Variants in AFF3 observed in about 807,000 individuals in gnomAD.
AFF3 encodes the protein ALF transcription elongation factor 3, also known as AF4/FMR2 family member 3.
A neutral mutation model predicts 129.7 loss-of-function variants in AFF3; 32 were observed. The observed-to-expected ratio is 0.25, with a 90% CI of 0.19 to 0.33. The LOEUF is 0.33. Ranked by LOEUF, AFF3 falls within the 10% of genes least tolerant of loss-of-function variation. The pLI is 1.00. For synonymous variants in AFF3, 644 were observed against 635.4 expected (o/e 1.01, Z -0.20); for missense variants, 1,373 against 1,592.0 (o/e 0.86, Z 2.34).
intron 7 of AFF3, among the ~76,000 whole-genome samples, chr2:99,901,519 G>A (rs936291181): frequency 2.2e-4 from 34 of 152,132 alleles, no homozygotes; most frequent in African/African-American, 8.2e-4. Flanking sequence ...CTACTCTTCA[G>A]GTGTTCACTA....
chr2:100,125,248 G>A (rs1692137070), intron 2 of AFF3, among the ~76,000 whole-genome samples: 1 of 152,042 alleles, frequency 6.6e-6, no homozygotes, highest in Admixed American at 6.5e-5. Context: ...GTCAGACCCT[G>A]GCAATGTCCA....
At chr2:100,110,499 G>A (rs1691476738) in intron 2 of AFF3, among the ~76,000 whole-genome samples, 1 of 152,214 alleles carries the variant, frequency 6.6e-6, no homozygotes, top group African/African-American at 2.4e-5. Context: ...TCCCCATGCA[G>A]CCCTCGGAGG....
intron 1 of AFF3, among the ~76,000 whole-genome samples, chr2:100,131,740 G>A (rs184939480): frequency 3.9e-5 from 6 of 152,298 alleles, no homozygotes; most frequent in Non-Finnish European, 7.3e-5. Flanking sequence ...GATTACAGGC[G>A]TGGATAAACA....
intron 4 of AFF3, among the ~76,000 whole-genome samples, chr2:100,033,460 T>C (rs1015888322): frequency 1.3e-5 from 2 of 152,214 alleles, no homozygotes; most frequent in African/African-American, 4.8e-5. Flanking sequence ...CTGAGTTACT[T>C]GCAACTCTCT....
rs1301192339 is a variant in AFF3 at position 99,545,873 on chromosome 2, G to C, written c.*5601C>G. On this transcript the variant is annotated 3_prime_UTR_variant, in exon 25 of 25. Transcript: ENST00000672756. Reference sequence around the variant, plus strand: ...CCGTGGGCAGATGTAATTAGTTTGAGAACGGAGTTTATAATTTTCCTCATG... The same window carrying C: ...CCGTGGGCAGATGTAATTAGTTTGACAACGGAGTTTATAATTTTCCTCATG... 5.2e-6 allele frequency: 1 copy of C among 191,280 alleles called. No individual in the cohort carries two copies. The highest frequency in any genetic ancestry group is 6.1e-5 in the Admixed American group (1 of 16,312). 11.8% of individuals were successfully genotyped at this position (191,280 alleles called of 1,614,324 possible). A position where few individuals can be genotyped will look rare whatever the true frequency, so the allele number is the denominator to read the frequency against.
intron 11 of AFF3, among the ~76,000 whole-genome samples, chr2:99,722,307 T>A (rs1272733960): frequency 6.6e-6 from 1 of 152,226 alleles, no homozygotes; most frequent in Non-Finnish European, 1.5e-5. Context: ...GTCTTTTAAG[T>A]TTTGGTTAGA....
chr2:99,954,746 C>A lies in AFF3; in HGVS notation c.873+51886G>T, dbSNP rs1294636222. ...CACATGGACACAGGAAGGGGAACAT[C>A]ACACTCTGGGGACTGTTGTGGGGTG... On this transcript the variant is annotated intron_variant, in intron 7 of 24. Transcript: ENST00000672756. 4.2e-5 allele frequency among the ~76,000 whole-genome samples: 5 copies of A among 119,850 alleles called. No individual in the cohort carries two copies. The Admixed American group carries it at 5.7e-4, about 14-fold the overall frequency. 78.6% of individuals were successfully genotyped at this position (119,850 alleles called of 152,430 possible).
chr2:99,629,657 A>G (rs1175533520), intron 13 of AFF3, among the ~76,000 whole-genome samples: 4 of 152,184 alleles, frequency 2.6e-5, no homozygotes, highest in Admixed American at 2.0e-4. Flanking sequence ...GGTTTAAACA[A>G]CAGACATTTA....
chr2:99,714,409 T>C (rs931539309), intron 11 of AFF3, among the ~76,000 whole-genome samples: 1 of 152,224 alleles, frequency 6.6e-6, no homozygotes, highest in Non-Finnish European at 1.5e-5. Context: ...TTTTTATTCT[T>C]GGTTTCCAAT....
chr2:99,729,801 C>T (rs1679665947), intron 10 of AFF3, among the ~76,000 whole-genome samples: 1 of 140,258 alleles, frequency 7.1e-6, no homozygotes, highest in Admixed American at 7.1e-5. Context: ...ACAGCTGTCT[C>T]CAGGGTCCTC....
chr2:100,001,025 G>A (rs1034215481), intron 7 of AFF3, among the ~76,000 whole-genome samples: 1 of 152,200 alleles, frequency 6.6e-6, no homozygotes, highest in Non-Finnish European at 1.5e-5. Context: ...ACAGAAGCCC[G>A]GGGGTTCTTG....
At chr2:99,908,408 T>C (rs978609736) in intron 7 of AFF3, among the ~76,000 whole-genome samples, 14 of 152,278 alleles carry the variant, frequency 9.2e-5, no homozygotes, top group Admixed American at 2.0e-4. Context: ...ATTCAGGACA[T>C]AGGCATGGGC....
chr2:99,593,961 A>G lies in AFF3; in HGVS notation c.1700T>C (p.Val567Ala). The G allele has an allele frequency of 1.3e-6, 2 of 1,484,946 alleles. No individual in the cohort carries two copies. The highest frequency in any genetic ancestry group is 1.4e-5 in the South Asian group (1 of 70,164). 92.0% of individuals were successfully genotyped at this position (1,484,946 alleles called of 1,614,324 possible). A position where few individuals can be genotyped will look rare whatever the true frequency, so the allele number is the denominator to read the frequency against. The change falls in exon 15 of 25, where the codon GTG becomes GCG. Residue 567 changes from valine (V) to alanine (A), a missense_variant. Coordinates refer to ENST00000672756, the MANE Select transcript of AFF3 (RefSeq NM_001386135.1). ...AVSAAAPPPAVPCAPAENAPA... is the reference protein window; with the variant it reads ...AVSAAAPPPAAPCAPAENAPA... ...CGCGTTCTCCGCGGGCGCACAGGGC[A>G]CTGCGGGTGGCGGGGCGGCTGCGCT...
chr2:100,046,064 C>T (rs1020628043), intron 4 of AFF3, among the ~76,000 whole-genome samples: 1 of 152,150 alleles, frequency 6.6e-6, no homozygotes, highest in African/African-American at 2.4e-5. Context: ...CAAGAATAGT[C>T]TACCACTTGC....
intron 11 of AFF3, chr2:99,707,740 A>G: frequency 1.3e-6 from 1 of 783,770 alleles, no homozygotes; most frequent in Non-Finnish European, 1.5e-6. Context: ...TTCAGGCTAA[A>G]GAGTCTGTGA....
intron 4 of AFF3, among the ~76,000 whole-genome samples, chr2:100,015,938 A>ATGGTGG (rs373721833): frequency 6.6e-6 from 1 of 151,246 alleles, no homozygotes; most frequent in Non-Finnish European, 1.5e-5. Flanking sequence ...GATGGTTATG[A>ATGGTGG]TGGTGGTGGT....
chr2:99,971,747 T>C (rs1439915816), intron 7 of AFF3, among the ~76,000 whole-genome samples: 2 of 152,086 alleles, frequency 1.3e-5, no homozygotes, highest in African/African-American at 2.4e-5. Context: ...GAGCCCTCCA[T>C]TGGGGAGTCA....
intron 9 of AFF3, among the ~76,000 whole-genome samples, chr2:99,744,632 C>T (rs1680993499): frequency 6.6e-6 from 1 of 152,152 alleles, no homozygotes; most frequent in Non-Finnish European, 1.5e-5. Flanking sequence ...TAAATGGAAT[C>T]ATACAATATG....
chr2:99,627,734 G>A (rs539766315), intron 13 of AFF3, among the ~76,000 whole-genome samples: 1 of 152,170 alleles, frequency 6.6e-6, no homozygotes, highest in African/African-American at 2.4e-5. Context: ...AATCTATCTC[G>A]AGTTGATTTT....
Sources: gnomAD v4.1 joint callset for allele counts (sites outside exome capture counted in the v4.1 genomes callset) on GRCh38, gnomAD v4.1.1 for gene constraint, MANE v1.5 for transcripts, NCBI Gene and HGNC (gene_info 2026-07-23, HGNC 2026-07-21) for gene names.